Variants in CSTL1 observed in about 807,000 individuals in gnomAD.
CSTL1 encodes the protein cystatin like 1.
In CSTL1, 14 loss-of-function variants were observed where a neutral mutation model predicts 14.4. The observed-to-expected ratio is 0.97, with a 90% CI of 0.64 to 1.52. The LOEUF (loss-of-function observed/expected upper bound fraction) is 1.52, where lower values mean the gene tolerates loss of function less well. Ranked by LOEUF, CSTL1 falls within the 40% of genes most tolerant of loss-of-function variation. The pLI, the probability that CSTL1 is intolerant of heterozygous loss-of-function variation, is 0.00. For missense variants in CSTL1, 170 were observed against 168.7 expected (o/e 1.01, Z -0.04); for synonymous variants, 72 against 67.5 (o/e 1.07, Z -0.33).
the CSTL1 span, chr20:23,452,974 G>A: frequency 1.6e-6 from 1 of 610,966 alleles, no homozygotes; most frequent in South Asian, 2.0e-5. Context: ...CTGAACTCGA[G>A]GGGAGAGCAG....
downstream of CSTL1, among the ~76,000 whole-genome samples, chr20:23,449,921 C>T (rs141254678): frequency 1.8e-4 from 27 of 152,280 alleles, no homozygotes; most frequent in Middle Eastern, 0.027. Context: ...GGGCAGAAGT[C>T]TAATTCTGGA....
intron 2 of CSTL1, among the ~76,000 whole-genome samples, chr20:23,443,699 G>A (rs528424238): frequency 6.6e-6 from 1 of 152,352 alleles, no homozygotes; most frequent in East Asian, 1.9e-4. Context: ...ACAGAGGCAG[G>A]TGAGAAGCTT....
chr20:23,454,702 G>A, the CSTL1 span, among the ~76,000 whole-genome samples: 1 of 152,226 alleles, frequency 6.6e-6, no homozygotes, highest in African/African-American at 2.4e-5. Flanking sequence ...GGCATCAGTT[G>A]GGCCTAGTGT....
the CSTL1 span, among the ~76,000 whole-genome samples, chr20:23,455,628 C>T: frequency 6.6e-6 from 1 of 152,246 alleles, no homozygotes; most frequent in Non-Finnish European, 1.5e-5. Context: ...CAATGTTCAT[C>T]TCCGACCTCA....
chr20:23,453,226 C>A, the CSTL1 span, among the ~76,000 whole-genome samples: 1 of 147,358 alleles, frequency 6.8e-6, no homozygotes, highest in Non-Finnish European at 1.5e-5. Context: ...GGGGTGGGCA[C>A]TGTGGGGAGG....
In CSTL1 at chr20:23,440,434, G is replaced by T; in HGVS notation, c.167G>T (p.Ser56Ile). Residue 56 changes from serine to isoleucine, a missense_variant, in exon 2 of 4, where the codon AGC (serine) becomes ATC (isoleucine). Coordinates refer to ENST00000347397, the MANE Select transcript of CSTL1 (RefSeq NM_138283.1). ...NFFIQSYNNA[S>I]NDTYLYRVQR... is the part of the protein sequence containing the mutation. ...TTCATTCAATCCTACAACAATGCCAGCAACGACACCTACTTATATCGAGTC... is the reference window on the plus strand; with the variant it reads ...TTCATTCAATCCTACAACAATGCCATCAACGACACCTACTTATATCGAGTC... 2 of 1,614,170 alleles carry T rather than the reference G, an allele frequency of 1.2e-6. No homozygotes were observed. Among genetic ancestry groups the T allele is most frequent in the South Asian group, 2.2e-5 (2 of 91,084 alleles).
At chr20:23,450,461 G>A in the CSTL1 span, 3 of 1,264,074 alleles carry the variant, frequency 2.4e-6, no homozygotes, top group African/African-American at 3.0e-5. Context: ...GCCCATTGCA[G>A]GATTCTCTCA....
the CSTL1 span, among the ~76,000 whole-genome samples, chr20:23,455,080 T>C: frequency 6.6e-6 from 1 of 152,140 alleles, no homozygotes; most frequent in African/African-American, 2.4e-5. Flanking sequence ...TATTGGAACA[T>C]GAAGTAATCT....
chr20:23,460,899 T>G, the CSTL1 span, among the ~76,000 whole-genome samples: 1 of 152,166 alleles, frequency 6.6e-6, no homozygotes, highest in Admixed American at 6.5e-5. Context: ...GACTACAAGA[T>G]GAAAAGCTAC....
the CSTL1 span, chr20:23,451,695 T>C: frequency 1.5e-6 from 1 of 663,140 alleles, no homozygotes; most frequent in African/African-American, 1.9e-5. Context: ...GTGTTACCCA[T>C]GCATTCTTTT....
chr20:23,460,113 A>G, the CSTL1 span, among the ~76,000 whole-genome samples: 2 of 152,246 alleles, frequency 1.3e-5, no homozygotes, highest in Non-Finnish European at 2.9e-5. Context: ...CAAGTCCTTT[A>G]TAAGCACCTA....
At chr20:23,447,836 T>G (rs550716558), downstream of CSTL1, among the ~76,000 whole-genome samples, 3 of 152,368 alleles carry the variant, frequency 2.0e-5, no homozygotes, top group African/African-American at 7.2e-5. Flanking sequence ...AGCCTTTAGC[T>G]ATTTTTTGCT....
At chr20:23,447,467 C>CTTTTTTTTTTT (rs34114094), downstream of CSTL1, among the ~76,000 whole-genome samples, 5 of 136,802 alleles carry the variant, frequency 3.7e-5, no homozygotes, top group African/African-American at 5.5e-5. Context: ...TTTTCTTTTT[C>CTTTTTTTTTTT]TTTTTTTTTT....
intron 2 of CSTL1, among the ~76,000 whole-genome samples, chr20:23,441,802 C>A (rs1986839617): frequency 6.6e-6 from 1 of 152,080 alleles, no homozygotes; most frequent in East Asian, 1.9e-4. Flanking sequence ...GGGGCAGCAA[C>A]AATGCTACGT....
At chr20:23,448,032 ATTG>A (rs1340505933), downstream of CSTL1, among the ~76,000 whole-genome samples, 1 of 151,132 alleles carries the variant, frequency 6.6e-6, no homozygotes, top group African/African-American at 2.4e-5. Flanking sequence ...TATTATTATT[ATTG>A]TTATTATTAT....
At chr20:23,440,622 G>C in intron 2 of CSTL1, 136 bp downstream of exon 2, 1 of 758,272 alleles carries the variant, frequency 1.3e-6, no homozygotes, top group Non-Finnish European at 2.4e-6. Flanking sequence ...ATCTTCACTT[G>C]TAGCAGGTAC....
At chr20:23,451,776 A>T in the CSTL1 span, 1 of 1,450,054 alleles carries the variant, frequency 6.9e-7, no homozygotes, top group South Asian at 1.2e-5. Context: ...ACCTCACTGA[A>T]AAGGACTTCT....
the CSTL1 span, among the ~76,000 whole-genome samples, chr20:23,453,633 G>A: frequency 3.3e-5 from 5 of 152,142 alleles, no homozygotes; most frequent in South Asian, 2.1e-4. Flanking sequence ...GGCTTAGTGC[G>A]GTTATGTTCG....
At chr20:23,446,182 G>A (rs1986962108), downstream of CSTL1, among the ~76,000 whole-genome samples, 2 of 152,060 alleles carry the variant, frequency 1.3e-5, no homozygotes, top group Non-Finnish European at 2.9e-5. Context: ...TTTTCTATCA[G>A]TGTAGGGAAC....
Sources: allele counts gnomAD v4.1 joint callset (sites outside exome capture counted in the v4.1 genomes callset), GRCh38; gene constraint gnomAD v4.1.1; transcripts MANE v1.5; gene names NCBI Gene and HGNC (gene_info 2026-07-23, HGNC 2026-07-21).